SLIT3: variants seen among roughly 807,000 people sequenced by gnomAD.
SLIT3 encodes slit guidance ligand 3, also known as slit homolog 3 protein.
SLIT3 carries 68 observed loss-of-function variants against 184.0 expected under a neutral mutation model. That is an observed-to-expected ratio of 0.37 (90% CI 0.30 to 0.45). The LOEUF (loss-of-function observed/expected upper bound fraction) is 0.45. Among genes scored for constraint, SLIT3 ranks in the 20% least tolerant of loss-of-function variants. The pLI is 1.00. For synonymous variants in SLIT3, 831 were observed against 828.6 expected (o/e 1.00, Z -0.05); for missense variants, 1,707 against 2,026.0 (o/e 0.84, Z 3.02).
At chr5:168,893,208 G>A (rs540659418) in intron 4 of SLIT3, among the ~76,000 whole-genome samples, 1 of 152,296 alleles carries the variant, frequency 6.6e-6, no homozygotes, top group African/African-American at 2.4e-5. Flanking sequence ...GGTTGGGTGT[G>A]GACAGGGAGC....
At chr5:168,949,742 G>A (rs1409518946) in intron 4 of SLIT3, among the ~76,000 whole-genome samples, 1 of 152,044 alleles carries the variant, frequency 6.6e-6, no homozygotes, top group Non-Finnish European at 1.5e-5. Flanking sequence ...TAGGACAACA[G>A]ACACACGCCA....
chr5:169,246,208 A>G (rs2113583156), intron 2 of SLIT3, among the ~76,000 whole-genome samples: 1 of 152,336 alleles, frequency 6.6e-6, no homozygotes, highest in South Asian at 2.1e-4. Flanking sequence ...CCAGAAGTAG[A>G]ACTGGTCAGG....
chr5:168,817,538 A>G (rs905799), intron 7 of SLIT3, 75 bp from the exon 8 acceptor site: 639,090 of 1,458,412 alleles, frequency 0.44, 141,562 homozygotes, highest in East Asian at 0.59. Flanking sequence ...AGACAGAGTG[A>G]CCAAAACCCC....
chr5:168,792,070 G>T (rs945258744), intron 10 of SLIT3: 1 of 152,248 alleles, frequency 6.6e-6, no homozygotes, highest in Non-Finnish European at 1.5e-5. Context: ...GGAGCCATAA[G>T]TGACTGGACA....
chr5:168,794,241 G>A (rs991453921), intron 10 of SLIT3, among the ~76,000 whole-genome samples: 2 of 152,194 alleles, frequency 1.3e-5, no homozygotes, highest in African/African-American at 2.4e-5. Context: ...CTCTGTGGGA[G>A]GGTGAGGTGT....
chr5:169,203,541 C>T (rs1763970875), intron 3 of SLIT3, among the ~76,000 whole-genome samples: 1 of 152,192 alleles, frequency 6.6e-6, no homozygotes, highest in Non-Finnish European at 1.5e-5. Flanking sequence ...GCCAAGAAAG[C>T]AGACAACTCC....
chr5:169,167,387 G>T lies in SLIT3; in HGVS notation c.413+26092C>A, dbSNP rs1762674106. 6.9e-5 allele frequency among the ~76,000 whole-genome samples: 10 copies of T among 145,896 alleles called. 1 individual carries two copies. In the South Asian group the frequency reaches 2.2e-3, roughly 32 times the overall value. ...CCTCCCAAGTTTGCGCCATTCTCCTGCCTCAGCCTCCCGAGTAGCTGGGAT... is the reference window on the plus strand; with the variant it reads ...CCTCCCAAGTTTGCGCCATTCTCCTTCCTCAGCCTCCCGAGTAGCTGGGAT... On this transcript the variant is annotated intron_variant, in intron 4 of 35. Transcript: ENST00000519560.
chr5:169,120,477 T>G (rs1581429746), intron 4 of SLIT3: 1 of 152,182 alleles, frequency 6.6e-6, no homozygotes, highest in African/African-American at 2.4e-5. Flanking sequence ...AGGTGGACTC[T>G]AGAATCAGGA....
At chr5:168,709,167 C>T (rs1762470094) in intron 25 of SLIT3, among the ~76,000 whole-genome samples, 1 of 147,484 alleles carries the variant, frequency 6.8e-6, no homozygotes, top group Non-Finnish European at 1.5e-5. Context: ...GGTGCAATTT[C>T]GGCTCACAGC....
chr5:169,124,583 G>GCAACTCTAGAGAGAAGT (rs1761006671), intron 4 of SLIT3, among the ~76,000 whole-genome samples: 1 of 152,204 alleles, frequency 6.6e-6, no homozygotes, highest in Non-Finnish European at 1.5e-5. Flanking sequence ...TATAGATGTA[G>GCAACTCTAGAGAGAAGT]ATATGGATAT....
chr5:169,114,304 T>G (rs1581423572), intron 4 of SLIT3, among the ~76,000 whole-genome samples: 1 of 152,222 alleles, frequency 6.6e-6, no homozygotes, highest in Non-Finnish European at 1.5e-5. Flanking sequence ...TCCTGATATG[T>G]GAACAGAGGA....
chr5:168,977,175 C>T (rs568078405), intron 4 of SLIT3, among the ~76,000 whole-genome samples: 11 of 152,242 alleles, frequency 7.2e-5, no homozygotes, highest in African/African-American at 2.4e-4. Context: ...TCTGCCCATT[C>T]TGATAATGAT....
intron 10 of SLIT3, among the ~76,000 whole-genome samples, chr5:168,793,301 A>T (rs962276624): frequency 6.6e-6 from 1 of 150,880 alleles, no homozygotes; most frequent in African/African-American, 2.4e-5. Flanking sequence ...GTCACAGTTG[A>T]GGGGGAAACT....
At chr5:169,058,649 G>A (rs998720635) in intron 4 of SLIT3, among the ~76,000 whole-genome samples, 2 of 152,240 alleles carry the variant, frequency 1.3e-5, no homozygotes, top group African/African-American at 4.8e-5. Context: ...CTGCTGGTCT[G>A]TGGTTCTGTC....
chr5:168,890,432 T>C (rs1760407662), intron 4 of SLIT3, among the ~76,000 whole-genome samples: 1 of 152,156 alleles, frequency 6.6e-6, no homozygotes, highest in Non-Finnish European at 1.5e-5. Flanking sequence ...TACAAAGATA[T>C]TATCAAGAAT....
intron 24 of SLIT3, among the ~76,000 whole-genome samples, chr5:168,711,476 G>A (rs779644472): frequency 6.6e-6 from 1 of 151,842 alleles, no homozygotes; most frequent in Non-Finnish European, 1.5e-5. Flanking sequence ...AAACCACTTG[G>A]CTAGACTTTC....
chr5:169,123,099 A>C (rs1306822387), intron 4 of SLIT3, among the ~76,000 whole-genome samples: 2 of 149,038 alleles, frequency 1.3e-5, no homozygotes, highest in Non-Finnish European at 3.0e-5. Context: ...TGCATGGATT[A>C]AAAAAAAAAC....
intron 4 of SLIT3, among the ~76,000 whole-genome samples, chr5:169,015,958 A>C (rs1337441134): frequency 2.1e-5 from 3 of 141,368 alleles, no homozygotes; most frequent in Admixed American, 7.4e-5. Flanking sequence ...ACACACACAC[A>C]CACACACACA....
chr5:169,087,841 T>A (rs1759372695), intron 4 of SLIT3, among the ~76,000 whole-genome samples: 1 of 152,240 alleles, frequency 6.6e-6, no homozygotes, highest in Non-Finnish European at 1.5e-5. Flanking sequence ...TTTTTTATAA[T>A]TTTCACAGGG....
Sources: allele counts gnomAD v4.1 joint callset (sites outside exome capture counted in the v4.1 genomes callset), GRCh38; gene constraint gnomAD v4.1.1; transcripts MANE v1.5; gene names NCBI Gene and HGNC (gene_info 2026-07-23, HGNC 2026-07-21).